The following EYS variants were observed in gnomAD, a reference collection of about 807,000 sequenced individuals.
The protein encoded by EYS is protein eyes shut homolog.
Under a neutral mutation model 282.1 loss-of-function variants are expected in EYS, and 250 were observed. The observed-to-expected ratio is 0.89, with a 90% CI of 0.80 to 0.98. EYS has a LOEUF of 0.98. Ranked by LOEUF, EYS falls within the 50% of genes least tolerant of loss-of-function variation. The probability of loss-of-function intolerance (pLI) is 0.00; values close to 1 mark genes in which losing one functional copy is unlikely to be tolerated. For missense variants in EYS, 4,016 were observed against 3,709.0 expected (o/e 1.08, Z -2.15); for synonymous variants, 1,355 against 1,282.9 (o/e 1.06, Z -1.20).
chr6:64,943,868 G>A (rs6929764), intron 15 of EYS, among the ~76,000 whole-genome samples: 121,156 of 152,044 alleles, frequency 0.8, 48,549 homozygotes, highest in African/African-American at 0.85. Flanking sequence ...TGTACGTAGA[G>A]TGAAGAAAGA....
At chr6:64,709,592 T>G (rs1427576530) in intron 22 of EYS, among the ~76,000 whole-genome samples, 1 of 152,186 alleles carries the variant, frequency 6.6e-6, no homozygotes, top group African/African-American at 2.4e-5. Flanking sequence ...CCATAATCAC[T>G]TCTAGGTGTT....
intron 23 of EYS, among the ~76,000 whole-genome samples, chr6:64,624,639 G>T (rs185916391): frequency 1.3e-5 from 2 of 152,118 alleles, no homozygotes; most frequent in East Asian, 3.9e-4. Flanking sequence ...TACTAGTAAT[G>T]AATGTTCAAA....
intron 26 of EYS, among the ~76,000 whole-genome samples, chr6:64,465,470 C>A (rs995944964): frequency 3.9e-5 from 6 of 152,026 alleles, no homozygotes; most frequent in East Asian, 1.9e-4. Context: ...GCATTTAAGG[C>A]CAATGAATTT....
rs761823682 is a variant in EYS at position 65,495,009 on chromosome 6, G to A, written c.402C>T (p.His134=). Residue 134 remains histidine, a synonymous_variant, in exon 4 of 43, where the codon CAC becomes CAT. Coordinates refer to ENST00000503581, the MANE Select transcript of EYS (RefSeq NM_001142800.2). The stretch of plus-strand genomic sequence containing the variant: ...CACTCAGCCACTTAGAATTAACAGT[G>A]TGCATTCCTTTTAGTCTGCAGCCAA... ...LLFGCRLKGM[H]TVNSKWLSVG... 2 of 1,614,144 alleles carry A rather than the reference G, an allele frequency of 1.2e-6. No homozygotes were observed. Among genetic ancestry groups the A allele is most frequent in the Non-Finnish European group, 1.7e-6 (2 of 1,180,012 alleles).
chr6:64,591,006 C>G lies in EYS; in HGVS notation c.4861G>C (p.Val1621Leu), dbSNP rs758522815. The G allele has an allele frequency of 6.4e-7, 1 of 1,551,326 alleles. No homozygotes were observed. The highest frequency in any genetic ancestry group is 8.7e-7 in the Non-Finnish European group (1 of 1,146,776). ...AAAGATGGCACTTCTGTGAATGCCACTGATGGTGTTATTTCAGTAGCAGAA... is the reference window on the plus strand; with the variant it reads ...AAAGATGGCACTTCTGTGAATGCCAGTGATGGTGTTATTTCAGTAGCAGAA... ...FSSATEITPS[V>L]AFTEVPSLFP... Residue 1621 changes from valine (V) to leucine (L), a missense_variant, in exon 26 of 43, where the codon GTG becomes CTG. By Grantham distance (32) the Val-to-Leu change is conservative (BLOSUM62 1). Transcript: ENST00000503581.
chr6:63,864,809 G>A (rs1022242213), intron 35 of EYS, among the ~76,000 whole-genome samples: 1 of 152,174 alleles, frequency 6.6e-6, no homozygotes, highest in South Asian at 2.1e-4. Flanking sequence ...AGCTGCATTT[G>A]TAGTAATTCT....
intron 11 of EYS, among the ~76,000 whole-genome samples, chr6:65,299,986 A>T (rs137898808): frequency 6.6e-6 from 1 of 152,146 alleles, no homozygotes; most frequent in African/African-American, 2.4e-5. Context: ...TTATATAATT[A>T]TGTGTTTAGT....
chr6:65,704,715 GT>G (rs1769814602), intron 1 of EYS, among the ~76,000 whole-genome samples: 1 of 152,120 alleles, frequency 6.6e-6, no homozygotes, highest in South Asian at 2.1e-4. Context: ...CATGAATTTA[GT>G]AAATACTATT....
chr6:65,126,063 T>C (rs1434558791), intron 12 of EYS, among the ~76,000 whole-genome samples: 1 of 152,126 alleles, frequency 6.6e-6, no homozygotes, highest in Admixed American at 6.6e-5. Flanking sequence ...AGTTTGTGAA[T>C]TGGACACTCT....
intron 2 of EYS, among the ~76,000 whole-genome samples, chr6:65,582,050 G>T (rs1764891757): frequency 1.3e-5 from 2 of 151,362 alleles, no homozygotes; most frequent in South Asian, 4.2e-4. Context: ...ATATAAATTA[G>T]CCAAGTATGG....
At chr6:64,683,253 G>A (rs1035084333) in intron 22 of EYS, among the ~76,000 whole-genome samples, 2 of 152,086 alleles carry the variant, frequency 1.3e-5, no homozygotes, top group Non-Finnish European at 2.9e-5. Context: ...TGATCTACAT[G>A]TTAATTTTGC....
At chr6:63,795,821 C>T (rs1040203647) in intron 37 of EYS, among the ~76,000 whole-genome samples, 2 of 152,168 alleles carry the variant, frequency 1.3e-5, no homozygotes, top group Admixed American at 6.5e-5. Flanking sequence ...CCAGGAGAAA[C>T]TGTGCAAGTC....
intron 14 of EYS, among the ~76,000 whole-genome samples, chr6:64,987,713 T>C (rs1256420498): frequency 6.6e-6 from 1 of 151,510 alleles, no homozygotes; most frequent in Non-Finnish European, 1.5e-5. Flanking sequence ...CTGTGAAATA[T>C]ACCTTCTATG....
At chr6:65,511,045 G>T (rs946547539) in intron 2 of EYS, among the ~76,000 whole-genome samples, 3 of 152,096 alleles carry the variant, frequency 2.0e-5, no homozygotes, top group Admixed American at 6.6e-5. Flanking sequence ...ATTCCTTAAG[G>T]ATATATTTGT....
At position 64,815,335 on chromosome 6, in the gene EYS, A is replaced by G. The variant is rs996982658; in HGVS notation, c.3244-1758T>C. ...GAATTCCACAGGGAGTGGCATGGAA[A>G]CATGTTTCTCCCCTAACTCTGTTTC... On this transcript the variant is annotated intron_variant, in intron 21 of 42. Transcript: ENST00000503581. The G allele has an allele frequency of 1.2e-4, 38 of 307,246 alleles. 1 individual carries two copies. The highest frequency in any genetic ancestry group is 1.4e-4 in the Non-Finnish European group (22 of 152,912). 19.0% of individuals were successfully genotyped at this position (307,246 alleles called of 1,614,324 possible).
chr6:64,974,262 A>G (rs1200991532), intron 14 of EYS, among the ~76,000 whole-genome samples: 1 of 151,958 alleles, frequency 6.6e-6, no homozygotes, highest in Non-Finnish European at 1.5e-5. Flanking sequence ...GAAAGGGGAT[A>G]TAATGTATTT....
chr6:65,477,182 A>T (rs890239271), intron 5 of EYS, among the ~76,000 whole-genome samples: 4 of 152,186 alleles, frequency 2.6e-5, no homozygotes, highest in African/African-American at 7.2e-5. Context: ...TTCATTTTCA[A>T]GTTTTTGTAC....
intron 1 of EYS, among the ~76,000 whole-genome samples, chr6:65,690,277 AC>A (rs1174208648): frequency 1.3e-5 from 2 of 150,198 alleles, no homozygotes; most frequent in African/African-American, 4.9e-5. Flanking sequence ...GTGAAGCTAG[AC>A]AACCAGTTAG....
At chr6:64,628,235 C>A (rs1403192650) in intron 22 of EYS, among the ~76,000 whole-genome samples, 1 of 122,582 alleles carries the variant, frequency 8.2e-6, no homozygotes, top group Non-Finnish European at 1.7e-5. Flanking sequence ...CAAAAAGAAA[C>A]CCATAGCAGT....
Sources: gnomAD v4.1 joint callset for allele counts (sites outside exome capture counted in the v4.1 genomes callset) on GRCh38, gnomAD v4.1.1 for gene constraint, MANE v1.5 for transcripts, NCBI Gene and HGNC (gene_info 2026-07-23, HGNC 2026-07-21) for gene names.